SYT9: variants seen among roughly 807,000 people sequenced by gnomAD.
The protein encoded by SYT9 is synaptotagmin 9, also known as synaptotagmin-9.
Under a neutral mutation model 48.4 loss-of-function variants are expected in SYT9, and 22 were observed. The ratio of observed to expected loss-of-function variants is 0.45; its 90% confidence interval spans 0.32 to 0.65. SYT9 has a LOEUF of 0.65. SYT9 is among the 30% of genes least tolerant of loss of function. The pLI, the probability that SYT9 is intolerant of heterozygous loss-of-function variation, is 0.03. For synonymous variants in SYT9, 265 were observed against 245.0 expected (o/e 1.08, Z -0.76); for missense variants, 577 against 622.0 (o/e 0.93, Z 0.77).
chr11:7,319,805 C>T (rs1849307642), intron 3 of SYT9, among the ~76,000 whole-genome samples: 2 of 152,152 alleles, frequency 1.3e-5, no homozygotes, highest in Admixed American at 6.5e-5. Context: ...GAAGCTAAGC[C>T]ACCAGAGACT....
chr11:7,369,709 C>T (rs567713516), intron 3 of SYT9, among the ~76,000 whole-genome samples: 34 of 144,798 alleles, frequency 2.3e-4, no homozygotes, highest in South Asian at 4.5e-4. Context: ...GCCAGTTCTC[C>T]GGATAATGGG....
chr11:7,356,736 A>C (rs1028703468), intron 3 of SYT9, among the ~76,000 whole-genome samples: 2 of 152,228 alleles, frequency 1.3e-5, no homozygotes, highest in African/African-American at 4.8e-5. Context: ...AGCTTCACTT[A>C]CAGGTTCTAT....
intron 1 of SYT9, among the ~76,000 whole-genome samples, chr11:7,274,860 T>C (rs540020398): frequency 6.6e-6 from 1 of 152,246 alleles, no homozygotes; most frequent in East Asian, 1.9e-4. Context: ...AACCTAGCAG[T>C]GGGTCCCCAA....
intron 3 of SYT9, among the ~76,000 whole-genome samples, chr11:7,366,069 G>A (rs1221736391): frequency 6.6e-6 from 1 of 152,128 alleles, no homozygotes; most frequent in African/African-American, 2.4e-5. Context: ...TGTCCTCCAG[G>A]TGCTCCCATC....
At chr11:7,412,068 T>A (rs11041359) in intron 3 of SYT9, among the ~76,000 whole-genome samples, 5,690 of 152,264 alleles carry the variant, frequency 0.037, 344 homozygotes, top group African/African-American at 0.12. Flanking sequence ...TTAAAAAAAA[T>A]GTGTATCTCT....
intron 3 of SYT9, among the ~76,000 whole-genome samples, chr11:7,386,244 C>A (rs990224523): frequency 6.6e-6 from 1 of 151,952 alleles, no homozygotes; most frequent in Admixed American, 6.6e-5. Flanking sequence ...TGGGCAGGGA[C>A]TTCATGTCTA....
intron 3 of SYT9, among the ~76,000 whole-genome samples, chr11:7,383,983 G>T (rs1407167937): frequency 6.6e-6 from 1 of 151,724 alleles, no homozygotes; most frequent in Non-Finnish European, 1.5e-5. Flanking sequence ...TAAAATGTTA[G>T]ATTTGACTTG....
intron 1 of SYT9, among the ~76,000 whole-genome samples, chr11:7,286,497 C>T (rs903293063): frequency 6.6e-6 from 1 of 152,202 alleles, no homozygotes. Context: ...CTCTGACATG[C>T]CTTGGAGACA....
rs150311683 is a variant in SYT9 at position 7,313,433 on chromosome 11, C to T, written c.536C>T (p.Pro179Leu). 3.3e-5 allele frequency: 54 copies of T among 1,613,356 alleles called. No homozygotes were observed. Among genetic ancestry groups the T allele is most frequent in the Admixed American group, 2.3e-4 (14 of 59,870 alleles). The stretch of plus-strand genomic sequence containing the variant: ...CGAAGACAACTCAACTTGTCAAACC[C>T]GGACTTCAATATCCAGCAGCTTCAA... ...SIRRQLNLSNPDFNIQQLQKQ... is the reference protein window; with the variant it reads ...SIRRQLNLSNLDFNIQQLQKQ... The change falls in exon 3 of 7, where the codon CCG (proline) becomes CTG (leucine). Residue 179 changes from proline to leucine, a missense_variant. Physicochemically the swap from Pro to Leu is moderately conservative, Grantham distance 98 (BLOSUM62 -3). Transcript: ENST00000318881.
chr11:7,287,208 G>A (rs1336946930), intron 1 of SYT9, among the ~76,000 whole-genome samples: 1 of 152,178 alleles, frequency 6.6e-6, no homozygotes, highest in Admixed American at 6.5e-5. Context: ...TCTTCACATG[G>A]CAGCAGCAAG....
At chr11:7,395,290 C>G (rs1589995418) in intron 3 of SYT9, among the ~76,000 whole-genome samples, 2 of 152,216 alleles carry the variant, frequency 1.3e-5, no homozygotes, top group East Asian at 3.9e-4. Flanking sequence ...AGATTATGTT[C>G]TGTGTGCAGA....
intron 3 of SYT9, among the ~76,000 whole-genome samples, chr11:7,386,284 A>G (rs1478921444): frequency 6.6e-6 from 1 of 152,186 alleles, no homozygotes; most frequent in Non-Finnish European, 1.5e-5. Context: ...AACAAAAGCC[A>G]AAATTGACAA....
chr11:7,420,772 G>A (rs1344336484), intron 6 of SYT9, 137 bp downstream of exon 6: 3 of 1,050,124 alleles, frequency 2.9e-6, no homozygotes, highest in South Asian at 1.7e-5. Flanking sequence ...TCCTGGGGCT[G>A]TTGGGACTTG....
chr11:7,348,107 G>A (rs761971079), intron 3 of SYT9, among the ~76,000 whole-genome samples: 8 of 152,172 alleles, frequency 5.3e-5, no homozygotes, highest in Non-Finnish European at 7.4e-5. Context: ...TCTGCACAGA[G>A]GGAGTCCCCC....
upstream of SYT9, among the ~76,000 whole-genome samples, chr11:7,248,461 G>T (rs7936498): frequency 4.0e-3 from 612 of 152,208 alleles, 6 homozygotes; most frequent in African/African-American, 0.013. Context: ...TATAGTTTCA[G>T]CTCTTAGATT....
intron 4 of SYT9, among the ~76,000 whole-genome samples, chr11:7,416,989 C>A (rs76792252): frequency 0.1 from 15,465 of 151,778 alleles, 933 homozygotes; most frequent in Middle Eastern, 0.22. Flanking sequence ...AAATTCTGAA[C>A]TCTAACAAGA....
At chr11:7,402,886 T>C (rs1389698405) in intron 3 of SYT9, among the ~76,000 whole-genome samples, 2 of 152,144 alleles carry the variant, frequency 1.3e-5, no homozygotes, top group Admixed American at 1.3e-4. Context: ...CATACTTTTG[T>C]TCTTATTTTT....
At chr11:7,400,197 T>G (rs1297494220) in intron 3 of SYT9, among the ~76,000 whole-genome samples, 2 of 152,210 alleles carry the variant, frequency 1.3e-5, no homozygotes, top group African/African-American at 4.8e-5. Flanking sequence ...TTAGCATGAA[T>G]GATGCCATAT....
Position 7,467,943 on chromosome 11 carries a change from T to C in SYT9, c.*1143T>C, listed in dbSNP as rs1048072440. On this transcript the variant is annotated 3_prime_UTR_variant, in exon 7 of 7. Transcript: ENST00000318881. ...CTCATTCATTACTCAGCTTCCTTCC[T>C]GACCAAGTCTGCCAACCAATGGCCA... 20 of 238,228 alleles carry C rather than the reference T, an allele frequency of 8.4e-5. No individual in the cohort carries two copies. Among genetic ancestry groups the C allele is most frequent in the Admixed American group, 1.1e-4 (2 of 17,594 alleles). The allele number at this position is 238,228 out of a possible 1,614,324, so 14.8% of individuals were successfully genotyped here. A position where few individuals can be genotyped will look rare whatever the true frequency, so the allele number is the denominator to read the frequency against.
Sources: allele counts gnomAD v4.1 joint callset (sites outside exome capture counted in the v4.1 genomes callset), GRCh38; gene constraint gnomAD v4.1.1; transcripts MANE v1.5; gene names NCBI Gene and HGNC (gene_info 2026-07-23, HGNC 2026-07-21).